Variants in GATA4 observed in about 807,000 individuals in gnomAD.
The protein encoded by GATA4 is transcription factor GATA-4.
In GATA4, 7 loss-of-function variants were observed where a neutral mutation model predicts 37.9. That is an observed-to-expected ratio of 0.18 (90% CI 0.11 to 0.35). GATA4 has a LOEUF of 0.35. Among genes scored for constraint, GATA4 ranks in the 10% least tolerant of loss-of-function variants. GATA4 has a pLI of 1.00. For synonymous variants in GATA4, 372 were observed against 292.6 expected, an observed-to-expected ratio of 1.27 and a Z score of -2.77; for missense variants, 647 against 653.0, an observed-to-expected ratio of 0.99 and a Z score of 0.10.
At chr8:11,725,951 G>A (rs984267999) in intron 2 of GATA4, among the ~76,000 whole-genome samples, 2 of 152,208 alleles carry the variant, frequency 1.3e-5, no homozygotes, top group African/African-American at 4.8e-5. Context: ...ATTCCTGAGC[G>A]TCAGCCTGTG....
intron 4 of GATA4, among the ~76,000 whole-genome samples, chr8:11,751,124 T>G (rs1802282849): frequency 6.6e-6 from 1 of 152,170 alleles, no homozygotes; most frequent in Non-Finnish European, 1.5e-5. Flanking sequence ...ATTTTGTAAA[T>G]ATTTACTGTT....
At position 11,758,735 on chromosome 8, in the gene GATA4, C is replaced by T. The variant is rs950858179; in HGVS notation, c.*260C>T. ...CTGCATCTCTCCTGTGAGTTGGAGA[C>T]TTCTTTCCCAAGATGTCCTTGTCCC... On this transcript the variant is annotated 3_prime_UTR_variant, in exon 7 of 7. Coordinates refer to ENST00000532059, the MANE Select transcript of GATA4 (RefSeq NM_001308093.3). 2.1e-5 allele frequency: 11 copies of T among 530,978 alleles called. No individual in the cohort carries two copies. The highest frequency in any genetic ancestry group is 3.8e-5 in the Non-Finnish European group (11 of 293,222). The allele number at this position is 530,978 out of a possible 1,614,324, so 32.9% of individuals were successfully genotyped here.
chr8:11,722,789 C>T (rs934499631), intron 2 of GATA4, among the ~76,000 whole-genome samples: 2 of 152,202 alleles, frequency 1.3e-5, no homozygotes, highest in African/African-American at 4.8e-5. Flanking sequence ...TGCCTAGACC[C>T]TTTACTTTGT....
At chr8:11,746,046 G>A (rs148424953) in intron 2 of GATA4, among the ~76,000 whole-genome samples, 199 of 152,250 alleles carry the variant, frequency 1.3e-3, no homozygotes, top group African/African-American at 4.7e-3. Flanking sequence ...TTGGGAGGCC[G>A]AGGCAGGAGG....
chr8:11,697,543 A>G (rs1799541668), intron 1 of GATA4: 1 of 984,994 alleles, frequency 1.0e-6, no homozygotes, highest in Non-Finnish European at 1.2e-6. Flanking sequence ...CGTGGAGGCC[A>G]CTTTCCCCTC....
chr8:11,739,735 C>T (rs371948451), intron 2 of GATA4, among the ~76,000 whole-genome samples: 4 of 144,388 alleles, frequency 2.8e-5, no homozygotes, highest in African/African-American at 5.5e-5. Context: ...GTGTGCAGAG[C>T]TTCTGTCGTG....
chr8:11,702,264 C>G (rs986603919), upstream of GATA4, among the ~76,000 whole-genome samples: 1 of 152,178 alleles, frequency 6.6e-6, no homozygotes, highest in Non-Finnish European at 1.5e-5. This position sits in a 1 kb window ranked among gnomAD's most constrained non-coding sequence, Gnocchi z 4.4. Flanking sequence ...AAATTCACTG[C>G]CCGGTCCAGA....
At chr8:11,705,530 C>T (rs945600942) in intron 1 of GATA4, among the ~76,000 whole-genome samples, 14 of 152,134 alleles carry the variant, frequency 9.2e-5, no homozygotes, top group African/African-American at 2.9e-4. Context: ...TCCTGTTGGC[C>T]TGCGAATTTG....
rs1802743499 is a variant in GATA4, at chr8:11,758,885, G to A, written c.*410G>A. On this transcript the variant is annotated 3_prime_UTR_variant, in exon 7 of 7. Coordinates refer to ENST00000532059, the MANE Select transcript of GATA4 (RefSeq NM_001308093.3). ...CCAGCCCGAATGACGGCATCTGTTTGCCATGTACCTGGATGCGACGGGCCC... is the reference window on the plus strand; with the variant it reads ...CCAGCCCGAATGACGGCATCTGTTTACCATGTACCTGGATGCGACGGGCCC... The A allele has an allele frequency of 9.2e-6, 3 of 324,776 alleles. No individual in the cohort carries two copies. Among genetic ancestry groups the A allele is most frequent in the Middle Eastern group, 1.1e-3 (1 of 908 alleles). 20.1% of individuals were successfully genotyped at this position (324,776 alleles called of 1,614,324 possible).
At chr8:11,679,669 G>T (rs1798891785) in intron 1 of GATA4, among the ~76,000 whole-genome samples, 1 of 152,214 alleles carries the variant, frequency 6.6e-6, no homozygotes, top group South Asian at 2.1e-4. Flanking sequence ...AAGTATCCCG[G>T]CGAGCCCTGA....
chr8:11,697,505 C>G, intron 1 of GATA4: 1 of 974,802 alleles, frequency 1.0e-6, no homozygotes, highest in Non-Finnish European at 1.2e-6. Flanking sequence ...CGGTGGGCAC[C>G]TGCTGCAGTT....
intron 2 of GATA4, among the ~76,000 whole-genome samples, chr8:11,745,445 G>T (rs867621435): frequency 6.7e-6 from 1 of 148,478 alleles, no homozygotes; most frequent in Non-Finnish European, 1.5e-5. Context: ...AATTAGCAAG[G>T]CATGGCAGCA....
At chr8:11,679,227 G>A (rs1335531683) in intron 1 of GATA4, among the ~76,000 whole-genome samples, 1 of 151,550 alleles carries the variant, frequency 6.6e-6, no homozygotes, top group Non-Finnish European at 1.5e-5. Context: ...GAGCGACACA[G>A]GAGAATGTCA....
At chr8:11,701,494 C>A (rs1379660440), upstream of GATA4, among the ~76,000 whole-genome samples, 1 of 152,164 alleles carries the variant, frequency 6.6e-6, no homozygotes, top group African/African-American at 2.4e-5. Flanking sequence ...TAAACCTCCT[C>A]CAGCCGGCGG....
At chr8:11,728,938 A>G (rs1801072161) in intron 2 of GATA4, among the ~76,000 whole-genome samples, 2 of 152,212 alleles carry the variant, frequency 1.3e-5, no homozygotes, top group Admixed American at 6.5e-5. Context: ...AATAGTTTAA[A>G]GACCTAGCTG....
chr8:11,736,119 C>T (rs1801441161), intron 2 of GATA4, among the ~76,000 whole-genome samples: 1 of 151,990 alleles, frequency 6.6e-6, no homozygotes, highest in African/African-American at 2.4e-5. Context: ...CTATGTTGCC[C>T]AGGCTGGTAT....
intron 1 of GATA4, among the ~76,000 whole-genome samples, chr8:11,693,730 A>G (rs1286573661): frequency 6.6e-6 from 1 of 151,888 alleles, no homozygotes; most frequent in African/African-American, 2.4e-5. Flanking sequence ...CTCTTGCCCT[A>G]CCCCCACTCC....
Position 11,750,097 on chromosome 8 carries a change from T to A in GATA4, c.787-14T>A. The stretch of plus-strand genomic sequence containing the variant: ...TTTTACTTGGACATGAAGCATTTGT[T>A]TCCTGTCTTGCAGTCCGCCTCCCGC... On this transcript the variant is annotated splice_polypyrimidine_tract_variant and intron_variant, in intron 3 of 6. Transcript: ENST00000532059. 6.2e-7 allele frequency: 1 copy of A among 1,614,044 alleles called. No homozygotes were observed. The highest frequency in any genetic ancestry group is 8.5e-7 in the Non-Finnish European group (1 of 1,180,036).
chr8:11,697,834 C>A (rs1799550743), intron 1 of GATA4: 2 of 985,336 alleles, frequency 2.0e-6, no homozygotes, highest in South Asian at 9.4e-5. Context: ...GCGTTCCGGC[C>A]ACCACGGGGC....
Sources: gnomAD v4.1 joint callset for allele counts (sites outside exome capture counted in the v4.1 genomes callset) on GRCh38, gnomAD v4.1.1 for gene constraint, Gnocchi (gnomAD v3.1) non-coding constraint, MANE v1.5 for transcripts, NCBI Gene and HGNC (gene_info 2026-07-23, HGNC 2026-07-21) for gene names.